Variants in FREM1 observed in about 807,000 individuals in gnomAD.
FREM1 encodes the protein FRAS1 related extracellular matrix 1, also known as FRAS1-related extracellular matrix protein 1.
A neutral mutation model predicts 210.1 loss-of-function variants in FREM1; 220 were observed. The observed-to-expected ratio is 1.05, with a 90% confidence interval of 0.94 to 1.17. The LOEUF (loss-of-function observed/expected upper bound fraction) is 1.17. Among genes scored for constraint, FREM1 ranks in the 50% most tolerant of loss-of-function variants. The probability of loss-of-function intolerance (pLI) is 0.00; values close to 1 mark genes in which losing one functional copy is unlikely to be tolerated. For synonymous variants in FREM1, 1,189 were observed against 980.2 expected (o/e 1.21, Z -3.98); for missense variants, 3,454 against 2,675.5 (o/e 1.29, Z -6.42).
chr9:14,784,990 T>C (rs1587957737), intron 23 of FREM1, among the ~76,000 whole-genome samples: 5 of 152,298 alleles, frequency 3.3e-5, no homozygotes. Flanking sequence ...TTGCATACAA[T>C]TTTGGAAAGA....
intron 1 of FREM1, among the ~76,000 whole-genome samples, chr9:14,896,388 A>G (rs1837722524): frequency 6.6e-6 from 1 of 152,046 alleles, no homozygotes; most frequent in African/African-American, 2.4e-5. Context: ...TACTAAAAAT[A>G]CAAAAATTAG....
chr9:14,755,744 C>A (rs1844223261), intron 29 of FREM1, among the ~76,000 whole-genome samples: 1 of 152,190 alleles, frequency 6.6e-6, no homozygotes, highest in Admixed American at 6.5e-5. Context: ...TTTCTCTTAG[C>A]CTGAACAACA....
At chr9:14,870,236 A>C (rs1356130429) in intron 1 of FREM1, among the ~76,000 whole-genome samples, 1 of 152,222 alleles carries the variant, frequency 6.6e-6, no homozygotes, top group Non-Finnish European at 1.5e-5. Context: ...TCCATTATCC[A>C]CATCTAATCT....
intron 25 of FREM1, among the ~76,000 whole-genome samples, chr9:14,774,695 G>A (rs1848260356): frequency 1.3e-5 from 2 of 152,144 alleles, no homozygotes; most frequent in South Asian, 2.1e-4. Flanking sequence ...TAGATTCAAG[G>A]GTTTGAGAGC....
intron 1 of FREM1, among the ~76,000 whole-genome samples, chr9:14,890,981 C>T (rs955003774): frequency 2.0e-5 from 3 of 152,192 alleles, no homozygotes; most frequent in Admixed American, 6.5e-5. Flanking sequence ...ATAACTTAAG[C>T]AGAGTGAAAA....
intron 1 of FREM1, among the ~76,000 whole-genome samples, chr9:14,900,212 C>T (rs1220400317): frequency 1.3e-5 from 2 of 152,176 alleles, no homozygotes; most frequent in Non-Finnish European, 2.9e-5. Flanking sequence ...TTCATATTAC[C>T]ATCACCCAGT....
At chr9:14,891,701 T>C (rs539918931) in intron 1 of FREM1, among the ~76,000 whole-genome samples, 2 of 152,250 alleles carry the variant, frequency 1.3e-5, no homozygotes, top group African/African-American at 4.8e-5. Context: ...GAGTTAAATT[T>C]GAAAGAAAAA....
intron 27 of FREM1, among the ~76,000 whole-genome samples, chr9:14,762,644 C>T (rs914863339): frequency 1.3e-5 from 2 of 151,382 alleles, no homozygotes; most frequent in African/African-American, 4.9e-5. Context: ...TAATAAAGAG[C>T]TATTGAAAAG....
At chr9:14,905,208 G>A (rs757940592) in intron 1 of FREM1, among the ~76,000 whole-genome samples, 6 of 152,108 alleles carry the variant, frequency 3.9e-5, no homozygotes, top group Non-Finnish European at 5.9e-5. Context: ...TCACAGAGAA[G>A]CTCAATAAAT....
rs1235654127 is a variant in FREM1, at chr9:14,824,843, C to A, written c.2031G>T (p.Glu677Asp). Residue 677 changes from glutamate to aspartate, a missense_variant, in exon 11 of 37, where the codon GAG becomes GAT. By Grantham distance (45) the Glu-to-Asp change is conservative (BLOSUM62 2). Coordinates refer to ENST00000380880, the MANE Select transcript of FREM1 (RefSeq NM_001379081.2). ...GAGGAGTAGTTATTGTGTAGACCAG[C>A]TCCCTGTCATATGATTCTGAATCTA... ...HFIDSESYDR[E>D]LVYTITTPPF... 3.7e-6 allele frequency: 6 copies of A among 1,613,198 alleles called. No homozygotes were observed. The highest frequency in any genetic ancestry group is 5.1e-6 in the Non-Finnish European group (6 of 1,179,534).
At chr9:14,841,914 C>G (rs1323549600) in intron 9 of FREM1, among the ~76,000 whole-genome samples, 1 of 152,196 alleles carries the variant, frequency 6.6e-6, no homozygotes, top group Non-Finnish European at 1.5e-5. Context: ...AACTCCGGAT[C>G]TACCTACTTT....
intron 1 of FREM1, among the ~76,000 whole-genome samples, chr9:14,909,512 CTA>C (rs1169263953): frequency 1.3e-5 from 2 of 152,222 alleles, no homozygotes; most frequent in Non-Finnish European, 1.5e-5. Context: ...CCAAATTTCT[CTA>C]TGTTTGTACC....
intron 23 of FREM1, among the ~76,000 whole-genome samples, chr9:14,786,937 G>A (rs911158504): frequency 6.6e-6 from 1 of 152,146 alleles, no homozygotes; most frequent in Non-Finnish European, 1.5e-5. Context: ...ATGGACCTGA[G>A]GGGAGGAAGA....
chr9:14,844,935 C>T (rs544326848), intron 8 of FREM1, among the ~76,000 whole-genome samples: 246 of 152,228 alleles, frequency 1.6e-3, no homozygotes, highest in Non-Finnish European at 3.1e-3. Flanking sequence ...TACAAGCGAA[C>T]ACCCAACCTG....
intron 7 of FREM1, 145 bp downstream of exon 7, chr9:14,848,520 G>A: frequency 2.6e-6 from 1 of 390,716 alleles, no homozygotes. Context: ...AACAACAAAA[G>A]CTACTATGTG....
Position 14,841,477 on chromosome 9 carries a change from G to C in FREM1, c.1851C>G (p.Ser617Arg), listed in dbSNP as rs777065193. ...EDSFQFVLWDSHEPPNLSVPQ... is the reference protein window; with the variant it reads ...EDSFQFVLWDRHEPPNLSVPQ... Reference sequence around the variant, plus strand: ...GCACTGAAAGATTTGGAGGTTCATGGCTGTCCCACAGGACAAATTGAAAAG... The same window carrying C: ...GCACTGAAAGATTTGGAGGTTCATGCCTGTCCCACAGGACAAATTGAAAAG... The change falls in exon 10 of 37, where the codon AGC (serine) becomes AGG (arginine). Residue 617 changes from serine (S) to arginine (R), a missense_variant. Coordinates refer to ENST00000380880, the MANE Select transcript of FREM1 (RefSeq NM_001379081.2). 3.1e-6 allele frequency: 5 copies of C among 1,610,146 alleles called. No individual in the cohort carries two copies. Among genetic ancestry groups the C allele is most frequent in the African/African-American group, 1.3e-5 (1 of 74,988 alleles).
intron 1 of FREM1, among the ~76,000 whole-genome samples, chr9:14,894,512 CT>C (rs1837362351): frequency 1.3e-5 from 2 of 152,218 alleles, no homozygotes; most frequent in African/African-American, 4.8e-5. Flanking sequence ...AGGAAAGCAA[CT>C]TTCAGGACTC....
chr9:14,853,752 C>T (rs11789084), intron 5 of FREM1, among the ~76,000 whole-genome samples: 4,024 of 152,218 alleles, frequency 0.026, 81 homozygotes, highest in Non-Finnish European at 0.038. Context: ...GGCAGGTGAA[C>T]GATACTGAGA....
In FREM1 at chr9:14,804,955, C is replaced by G; in HGVS notation, c.3471+1G>C. 1 of 1,597,534 alleles carries G rather than the reference C, an allele frequency of 6.3e-7. No homozygotes were observed. Among genetic ancestry groups the G allele is most frequent in the East Asian group, 2.2e-5 (1 of 44,786 alleles). On this transcript the variant is annotated splice_donor_variant, in intron 19 of 36. Coordinates refer to ENST00000380880, the MANE Select transcript of FREM1 (RefSeq NM_001379081.2). LOFTEE classifies it high-confidence loss of function. Reference sequence around the variant, plus strand: ...ATGGAACATTTGGATATGTTTCTTACAGTAATATTCTGCACTACAAAGTCA... The same window carrying G: ...ATGGAACATTTGGATATGTTTCTTAGAGTAATATTCTGCACTACAAAGTCA...
Sources: gnomAD v4.1 joint callset for allele counts (sites outside exome capture counted in the v4.1 genomes callset) on GRCh38, gnomAD v4.1.1 for gene constraint, MANE v1.5 for transcripts, NCBI Gene and HGNC (gene_info 2026-07-23, HGNC 2026-07-21) for gene names.